Variants in SRGAP1 observed in about 807,000 individuals in gnomAD.
SRGAP1 encodes the protein SLIT-ROBO Rho GTPase-activating protein 1.
A neutral mutation model predicts 121.9 loss-of-function variants in SRGAP1; 43 were observed. The observed-to-expected ratio is 0.35, with a 90% CI of 0.28 to 0.46. SRGAP1 has a LOEUF of 0.46. SRGAP1 is among the 20% of genes least tolerant of loss of function. SRGAP1 has a pLI of 1.00. For missense variants in SRGAP1, 1,102 were observed against 1,350.9 expected, an observed-to-expected ratio of 0.82 and a Z score of 2.89; for synonymous variants, 447 against 485.4, an observed-to-expected ratio of 0.92 and a Z score of 1.04.
chr12:63,952,800 T>G (rs2032340076), intron 1 of SRGAP1, among the ~76,000 whole-genome samples: 2 of 151,964 alleles, frequency 1.3e-5, no homozygotes, highest in African/African-American at 2.4e-5. Flanking sequence ...TGCTAACACT[T>G]TTAATTTTTT....
intron 14 of SRGAP1, among the ~76,000 whole-genome samples, chr12:64,096,481 C>G (rs1016284964): frequency 6.6e-6 from 1 of 152,100 alleles, no homozygotes; most frequent in Admixed American, 6.5e-5. Flanking sequence ...GATTTTATCT[C>G]TAGAGGAACA....
chr12:63,891,245 C>G (rs2136296720), intron 1 of SRGAP1, among the ~76,000 whole-genome samples: 1 of 152,310 alleles, frequency 6.6e-6, no homozygotes, highest in South Asian at 2.1e-4. Context: ...CGAGGAAACT[C>G]CTCCCCTGCT....
intron 1 of SRGAP1, among the ~76,000 whole-genome samples, chr12:63,852,659 T>G (rs1299133237): frequency 6.6e-6 from 1 of 152,232 alleles, no homozygotes; most frequent in African/African-American, 2.4e-5. Flanking sequence ...TGATGCTGTA[T>G]GGAAAATGAA....
Position 64,097,448 on chromosome 12 carries a change from C to T in SRGAP1, c.1813+73C>T. The T allele has an allele frequency of 8.5e-6, 13 of 1,523,400 alleles. No homozygotes were observed. In the South Asian group the frequency reaches 1.5e-4, roughly 17 times the overall value. 94.4% of individuals were successfully genotyped at this position (1,523,400 alleles called of 1,614,324 possible). A position where few individuals can be genotyped will look rare whatever the true frequency, so the allele number is the denominator to read the frequency against. On this transcript the variant is annotated intron_variant, in intron 15 of 21. Transcript: ENST00000355086. ...GCTAACTTCCTGGAAAAGGCAGTGG[C>T]CCCCCTCCATACACCCCCACCCCCA...
intron 11 of SRGAP1, 93 bp downstream of exon 11, chr12:64,087,119 TAATG>T: frequency 1.0e-6 from 1 of 987,798 alleles, no homozygotes; most frequent in Non-Finnish European, 1.5e-6. Context: ...AACATTTTGT[TAATG>T]AATACGGGAG....
chr12:64,038,867 A>C (rs1415289377), intron 4 of SRGAP1: 1 of 152,238 alleles, frequency 6.6e-6, no homozygotes, highest in Non-Finnish European at 1.5e-5. Context: ...TTACATGGCT[A>C]TATGCCTGTC....
intron 1 of SRGAP1, among the ~76,000 whole-genome samples, chr12:63,949,229 TACCAA>T (rs2032198944): frequency 6.9e-6 from 1 of 145,376 alleles, no homozygotes; most frequent in African/African-American, 2.5e-5. Context: ...TATATATATA[TACCAA>T]ATAAGAGAAT....
At chr12:63,992,658 AATACACACACACACACACACACAC>A (rs1388698241) in intron 3 of SRGAP1, among the ~76,000 whole-genome samples, 1 of 117,174 alleles carries the variant, frequency 8.5e-6, no homozygotes, top group Non-Finnish European at 1.8e-5. Context: ...ATGCACAGTA[AATACACACACACACACACACACAC>A]ACACACACAC....
At chr12:64,017,075 A>G in intron 4 of SRGAP1, 63 bp downstream of exon 4, 1 of 964,860 alleles carries the variant, frequency 1.0e-6, no homozygotes, top group Middle Eastern at 2.2e-4. Context: ...TTGTAAAAAC[A>G]CTGCTCATTG....
At chr12:64,112,873 A>T (rs780917303) in intron 17 of SRGAP1, among the ~76,000 whole-genome samples, 1 of 152,170 alleles carries the variant, frequency 6.6e-6, no homozygotes, top group Non-Finnish European at 1.5e-5. Flanking sequence ...AGTGATGGTT[A>T]CCAAAGGCTA....
chr12:64,065,270 T>C (rs1184236750), intron 8 of SRGAP1, 51 bp downstream of exon 8: 1 of 1,412,948 alleles, frequency 7.1e-7, no homozygotes, highest in African/African-American at 1.4e-5. Context: ...CAAATATAAC[T>C]GGAAGACATT....
At chr12:63,845,481 A>G (rs17708810) in intron 1 of SRGAP1, among the ~76,000 whole-genome samples, 3,531 of 152,296 alleles carry the variant, frequency 0.023, 54 homozygotes, top group South Asian at 0.041. Flanking sequence ...ATAATGGGCC[A>G]GAATTCATTG....
At chr12:63,874,590 A>T (rs1338709733) in intron 1 of SRGAP1, among the ~76,000 whole-genome samples, 1 of 152,214 alleles carries the variant, frequency 6.6e-6, no homozygotes, top group Admixed American at 6.5e-5. Context: ...AATAAAATAC[A>T]GTATATACCG....
chr12:63,905,002 C>G (rs887148386), intron 1 of SRGAP1, among the ~76,000 whole-genome samples: 1 of 152,122 alleles, frequency 6.6e-6, no homozygotes, highest in African/African-American at 2.4e-5. Context: ...GCCTGCTACC[C>G]TCCCCCAAAG....
intron 1 of SRGAP1, among the ~76,000 whole-genome samples, chr12:63,886,539 G>A (rs767799920): frequency 1.3e-5 from 2 of 148,954 alleles, no homozygotes; most frequent in Non-Finnish European, 2.9e-5. Flanking sequence ...TGGAGTCCAG[G>A]CACAATCTTG....
At chr12:63,916,773 A>ATGAGAAGTAG (rs2030798160) in intron 1 of SRGAP1, among the ~76,000 whole-genome samples, 1 of 152,210 alleles carries the variant, frequency 6.6e-6, no homozygotes, top group African/African-American at 2.4e-5. Flanking sequence ...AGGTCTGGGA[A>ATGAGAAGTAG]TCGCATGCAG....
At chr12:64,017,678 G>A (rs979325177) in intron 4 of SRGAP1, among the ~76,000 whole-genome samples, 12 of 151,310 alleles carry the variant, frequency 7.9e-5, no homozygotes, top group African/African-American at 1.7e-4. Context: ...AAATGTTGCC[G>A]TTATGGAACT....
chr12:63,918,149 C>A (rs1175551506), intron 1 of SRGAP1, among the ~76,000 whole-genome samples: 3 of 152,156 alleles, frequency 2.0e-5, no homozygotes, highest in Admixed American at 1.3e-4. Flanking sequence ...AAGCTATGTC[C>A]TTGAGCAATA....
At chr12:63,943,697 T>C (rs1201855241) in intron 1 of SRGAP1, among the ~76,000 whole-genome samples, 2 of 152,098 alleles carry the variant, frequency 1.3e-5, no homozygotes. Flanking sequence ...TTGCAATATG[T>C]TAAATTTGAG....
Sources: gnomAD v4.1 joint callset for allele counts (sites outside exome capture counted in the v4.1 genomes callset) on GRCh38, gnomAD v4.1.1 for gene constraint, MANE v1.5 for transcripts, NCBI Gene and HGNC (gene_info 2026-07-23, HGNC 2026-07-21) for gene names.